SNX3: variants seen among roughly 807,000 people sequenced by gnomAD.
SNX3 encodes sorting nexin-3.
In SNX3, 5 loss-of-function variants were observed where a neutral mutation model predicts 17.7. That is an observed-to-expected ratio of 0.28 (90% CI 0.15 to 0.59). The LOEUF (loss-of-function observed/expected upper bound fraction) is 0.59. SNX3 is among the 20% of genes least tolerant of loss of function. The probability of loss-of-function intolerance (pLI) is 0.88; values close to 1 mark genes in which losing one functional copy is unlikely to be tolerated. For synonymous variants in SNX3, 91 were observed against 76.5 expected, an observed-to-expected ratio of 1.19 and a Z score of -0.99; for missense variants, 132 against 206.8, an observed-to-expected ratio of 0.64 and a Z score of 2.22.
intron 1 of SNX3, among the ~76,000 whole-genome samples, chr6:108,257,823 G>C (rs1277161060): frequency 2.0e-5 from 3 of 152,060 alleles, no homozygotes; most frequent in Non-Finnish European, 2.9e-5. Flanking sequence ...AATTAGCTGG[G>C]CGTGGTGGCG....
chr6:108,237,236 A>G (rs546103139), intron 1 of SNX3, among the ~76,000 whole-genome samples: 1 of 152,242 alleles, frequency 6.6e-6, no homozygotes, highest in African/African-American at 2.4e-5. Context: ...TTTTCCTCAT[A>G]ATTTAAAATT....
chr6:108,253,393 CTTTT>C (rs369223904), intron 1 of SNX3, among the ~76,000 whole-genome samples: 8 of 123,462 alleles, frequency 6.5e-5, no homozygotes, highest in African/African-American at 6.0e-5. Context: ...ATACATATGT[CTTTT>C]TTTTTTTTTT....
At chr6:108,238,769 T>C (rs924087017) in intron 1 of SNX3, among the ~76,000 whole-genome samples, 7 of 152,176 alleles carry the variant, frequency 4.6e-5, no homozygotes, top group Non-Finnish European at 8.8e-5. Context: ...AATTGGTATA[T>C]CACTTTTGTA....
chr6:108,246,945 A>G (rs1775710330), intron 1 of SNX3, among the ~76,000 whole-genome samples: 1 of 152,144 alleles, frequency 6.6e-6, no homozygotes, highest in Admixed American at 6.5e-5. Context: ...TTTCTTAGCT[A>G]TATCATAAAG....
At chr6:108,241,221 G>A (rs888769460) in intron 1 of SNX3, among the ~76,000 whole-genome samples, 3 of 149,686 alleles carry the variant, frequency 2.0e-5, no homozygotes, top group African/African-American at 7.4e-5. Context: ...GAGAACCCTA[G>A]TTATCTAAAC....
intron 1 of SNX3, chr6:108,252,419 C>CGA (rs1378582375): frequency 4.6e-5 from 7 of 152,472 alleles, no homozygotes; most frequent in African/African-American, 1.7e-4. Context: ...CCATTCTATC[C>CGA]TGAATGCAAT....
chr6:108,213,139 T>G lies in SNX3; in HGVS notation c.384-885A>C, dbSNP rs1448501746. The stretch of plus-strand genomic sequence containing the variant: ...CCTGACCTCAAGTGATCTGCCCACC[T>G]CGGCCTCCCAAAATATTGGGATTAC... On this transcript the variant is annotated intron_variant, in intron 3 of 3. Transcript: ENST00000230085. Among the ~76,000 whole-genome samples the G allele has an allele frequency of 4.0e-5, 6 of 151,772 alleles. No individual in the cohort carries two copies. The East Asian group carries it at 1.2e-3, about 30-fold the overall frequency.
At chr6:108,225,237 G>A (rs931953455) in intron 1 of SNX3, among the ~76,000 whole-genome samples, 2 of 151,826 alleles carry the variant, frequency 1.3e-5, no homozygotes, top group African/African-American at 2.4e-5. Context: ...AGCCGAGATC[G>A]CGCCACTGCA....
At chr6:108,241,688 AT>A (rs1775528638) in intron 1 of SNX3, among the ~76,000 whole-genome samples, 1 of 152,218 alleles carries the variant, frequency 6.6e-6, no homozygotes, top group Admixed American at 6.5e-5. Flanking sequence ...CCTAAAAAAA[AT>A]AAATAGCAAC....
At chr6:108,217,938 A>T (rs1400143745) in intron 2 of SNX3, among the ~76,000 whole-genome samples, 1 of 152,176 alleles carries the variant, frequency 6.6e-6, no homozygotes, top group Non-Finnish European at 1.5e-5. Context: ...AGTTTAACAG[A>T]TCTTAGTTAA....
chr6:108,224,058 T>C (rs1774900643), intron 1 of SNX3, among the ~76,000 whole-genome samples: 1 of 152,132 alleles, frequency 6.6e-6, no homozygotes, highest in East Asian at 1.9e-4. Flanking sequence ...TAAAATTTTA[T>C]TTTCTTGGTG....
chr6:108,232,563 T>C (rs1173394683), intron 1 of SNX3, among the ~76,000 whole-genome samples: 1 of 152,184 alleles, frequency 6.6e-6, no homozygotes, highest in African/African-American at 2.4e-5. Context: ...ATCACCTGAA[T>C]ATAGCTTAAC....
At chr6:108,250,618 A>G (rs1460241769) in intron 1 of SNX3, among the ~76,000 whole-genome samples, 2 of 152,204 alleles carry the variant, frequency 1.3e-5, no homozygotes, top group Non-Finnish European at 2.9e-5. Flanking sequence ...GATAACCAGT[A>G]AAGTCAAGAC....
In SNX3 at chr6:108,212,057, C is replaced by A. The variant is rs547256593; in HGVS notation, c.*92G>T. ...GTTAGTATACTGAAGGCATGTTATACCAGTTTCTGTGCAGCATGCTAAAAG... is the reference window on the plus strand; with the variant it reads ...GTTAGTATACTGAAGGCATGTTATAACAGTTTCTGTGCAGCATGCTAAAAG... On this transcript the variant is annotated 3_prime_UTR_variant, in exon 4 of 4. Coordinates refer to ENST00000230085, the MANE Select transcript of SNX3 (RefSeq NM_003795.6). 4.3e-4 allele frequency: 282 copies of A among 659,982 alleles called. No homozygotes were observed. The highest frequency in any genetic ancestry group is 6.9e-4 in the Non-Finnish European group (259 of 377,772). 40.9% of individuals were successfully genotyped at this position (659,982 alleles called of 1,614,324 possible).
chr6:108,248,736 G>A (rs143967457), intron 1 of SNX3, among the ~76,000 whole-genome samples: 39 of 152,126 alleles, frequency 2.6e-4, no homozygotes, highest in Middle Eastern at 3.4e-3. Context: ...TGGTATCACA[G>A]TTTCTCAATT....
At chr6:108,239,699 T>C (rs564127468) in intron 1 of SNX3, among the ~76,000 whole-genome samples, 6 of 152,338 alleles carry the variant, frequency 3.9e-5, no homozygotes, top group East Asian at 1.9e-4. Flanking sequence ...AGAGGATTCT[T>C]ACACACGTTC....
chr6:108,235,007 A>G (rs1268081639), intron 1 of SNX3, among the ~76,000 whole-genome samples: 1 of 152,250 alleles, frequency 6.6e-6, no homozygotes, highest in African/African-American at 2.4e-5. Flanking sequence ...GTTGTCCTCC[A>G]GAAAGGCTAC....
Position 108,212,226 on chromosome 6 carries a change from C to G in SNX3, c.412G>C (p.Glu138Gln). Residue 138 changes from glutamate to glutamine, a missense_variant, in exon 4 of 4, where the codon GAA becomes CAA. Glu to Gln is a conservative substitution (Grantham distance 29). Coordinates refer to ENST00000230085, the MANE Select transcript of SNX3 (RefSeq NM_003795.6). ...TGTAAAAACATGTGAAGACAACGTT[C>G]GTTCTGTGCCAGAGGATGACCAGCG... Reference protein sequence around the residue: ...KVAGHPLAQNERCLHMFLQDE... With the variant: ...KVAGHPLAQNQRCLHMFLQDE... The G allele has an allele frequency of 6.2e-7, 1 of 1,610,954 alleles. No homozygotes were observed. The highest frequency in any genetic ancestry group is 1.1e-5 in the South Asian group (1 of 90,416).
intron 1 of SNX3, among the ~76,000 whole-genome samples, chr6:108,229,962 G>A (rs1241747816): frequency 6.6e-6 from 1 of 152,158 alleles, no homozygotes; most frequent in Non-Finnish European, 1.5e-5. Flanking sequence ...AGAAGTAGAA[G>A]CCACAGATGA....
Sources: gnomAD v4.1 joint callset for allele counts (sites outside exome capture counted in the v4.1 genomes callset) on GRCh38, gnomAD v4.1.1 for gene constraint, MANE v1.5 for transcripts, NCBI Gene and HGNC (gene_info 2026-07-23, HGNC 2026-07-21) for gene names.